The following TRAP1 variants were observed in gnomAD, a reference collection of about 807,000 sequenced individuals.
The protein encoded by TRAP1 is TNF receptor associated protein 1.
Under a neutral mutation model 89.1 loss-of-function variants are expected in TRAP1, and 102 were observed. That is an observed-to-expected ratio of 1.15 (90% CI 0.98 to 1.35). TRAP1 has a LOEUF of 1.35. Ranked by LOEUF, TRAP1 falls within the 40% of genes most tolerant of loss-of-function variation. The pLI, the probability that TRAP1 is intolerant of heterozygous loss-of-function variation, is 0.00. For missense variants in TRAP1, 1,256 were observed against 945.3 expected, an observed-to-expected ratio of 1.33 and a Z score of -4.31; for synonymous variants, 508 against 388.0, an observed-to-expected ratio of 1.31 and a Z score of -3.64.
In TRAP1 at chr16:3,663,495, T is replaced by C. The variant is rs149368223; in HGVS notation, c.1637A>G (p.Lys546Arg). 13 of 1,613,874 alleles carry C rather than the reference T, an allele frequency of 8.1e-6. No homozygotes were observed. The highest frequency in any genetic ancestry group is 2.7e-5 in the African/African-American group (2 of 74,894). The change falls in exon 14 of 18, where the codon AAG becomes AGG. Residue 546 changes from lysine (K) to arginine (R), a missense_variant. Transcript: ENST00000246957. Reference sequence around the variant, plus strand: ...TATGTCCGTCTCCACAGAGATCAGCTTCTTCTTGTCAAACTCACGAAGGTG... The same window carrying C: ...TATGTCCGTCTCCACAGAGATCAGCCTCTTCTTGTCAAACTCACGAAGGTG... ...LLHLREFDKK[K>R]LISVETDIVV...
At chr16:3,667,105 C>T (rs1012576312) in intron 11 of TRAP1, among the ~76,000 whole-genome samples, 6 of 152,022 alleles carry the variant, frequency 3.9e-5, no homozygotes, top group African/African-American at 1.2e-4. Flanking sequence ...GCCCAGGATG[C>T]GGTGCAGAGC....
In TRAP1 at chr16:3,674,428, C is replaced by A. The variant is rs1457862049; in HGVS notation, c.955G>T (p.Ala319Ser). 6.2e-7 allele frequency: 1 copy of A among 1,613,962 alleles called. No homozygotes were observed. Among genetic ancestry groups the A allele is most frequent in the African/African-American group, 1.3e-5 (1 of 74,926 alleles). Residue 319 changes from alanine to serine, a missense_variant, in exon 9 of 18, where the codon GCG becomes TCG. Coordinates refer to ENST00000246957, the MANE Select transcript of TRAP1 (RefSeq NM_016292.3). ...TAGCGGGGCTTGTCGTGAGCCTGCG[C>A]GACGTAGCGGTAGAACTCCTCATGT... ...WQHEEFYRYVAQAHDKPRYTL... is the reference protein window; with the variant it reads ...WQHEEFYRYVSQAHDKPRYTL...
At chr16:3,709,489 C>T (rs1191087998) in intron 1 of TRAP1, among the ~76,000 whole-genome samples, 7 of 152,280 alleles carry the variant, frequency 4.6e-5, no homozygotes, top group African/African-American at 1.7e-4. Context: ...CAGCAACAAC[C>T]TAAATGTCCG....
intron 14 of TRAP1, 101 bp downstream of exon 14, chr16:3,663,323 G>A: frequency 6.6e-7 from 1 of 1,509,226 alleles, no homozygotes; most frequent in Non-Finnish European, 9.0e-7. Context: ...GCTGAGCCCA[G>A]GTCAACTGAC....
chr16:3,677,552 A>C lies in TRAP1; in HGVS notation c.650T>G (p.Val217Gly). 6.2e-7 allele frequency: 1 copy of C among 1,614,028 alleles called. No individual in the cohort carries two copies. Among genetic ancestry groups the C allele is most frequent in the Non-Finnish European group, 8.5e-7 (1 of 1,180,016 alleles). Residue 217 changes from valine (V) to glycine (G), a missense_variant, in exon 6 of 18, where the codon GTC becomes GGC. Coordinates refer to ENST00000246957, the MANE Select transcript of TRAP1 (RefSeq NM_016292.3). ...CCCCGGGGCTGCCGAGCGGGAATAG[A>C]CCTCCACTCTGTCAGCCACCATGAA... is the stretch of plus-strand genomic sequence containing the variant. ...SAFMVADRVEVYSRSAAPGSL... is the reference protein window; with the variant it reads ...SAFMVADRVEGYSRSAAPGSL...
At chr16:3,694,617 C>T (rs1057034589) in intron 1 of TRAP1, among the ~76,000 whole-genome samples, 5 of 152,138 alleles carry the variant, frequency 3.3e-5, no homozygotes, top group Admixed American at 1.3e-4. Flanking sequence ...GGATTACAGA[C>T]GTGAGCCACC....
intron 1 of TRAP1, among the ~76,000 whole-genome samples, chr16:3,695,262 C>T (rs1339367412): frequency 6.6e-6 from 1 of 152,052 alleles, no homozygotes; most frequent in Non-Finnish European, 1.5e-5. Context: ...ACAGAGAATG[C>T]AAAGAAAGCG....
chr16:3,661,079 T>C (rs1261267720), intron 16 of TRAP1: 1 of 152,144 alleles, frequency 6.6e-6, no homozygotes, highest in African/African-American at 2.4e-5. Context: ...AAAAAGAAAC[T>C]TCATATACAA....
chr16:3,714,859 GA>G (rs2051576861), intron 1 of TRAP1, among the ~76,000 whole-genome samples: 1 of 152,064 alleles, frequency 6.6e-6, no homozygotes, highest in African/African-American at 2.4e-5. Context: ...CCCAAGAAAA[GA>G]AAAAAATTTC....
rs74376244 is a variant in TRAP1, at chr16:3,711,866, G to C, written c.88+5555C>G. Among the ~76,000 whole-genome samples, 1,253 of 152,254 alleles carry C rather than the reference G, an allele frequency of 8.2e-3. 10 individuals are homozygous for C. The highest frequency in any genetic ancestry group is 0.022 in the South Asian group (108 of 4,828). On this transcript the variant is annotated intron_variant, in intron 1 of 17. Transcript: ENST00000246957. ...CTTCAGTAGGACTAAGCAGGACGGT[G>C]GTAAGAAAAGTTCTAGCTGGCTACA...
chr16:3,700,271 G>A (rs1308580833), intron 1 of TRAP1, among the ~76,000 whole-genome samples: 3 of 149,966 alleles, frequency 2.0e-5, no homozygotes, highest in Admixed American at 6.7e-5. Context: ...GGGTTCAAGC[G>A]ATTCTCCTGC....
intron 3 of TRAP1, chr16:3,687,245 T>G (rs995807453): frequency 6.6e-6 from 1 of 151,664 alleles, no homozygotes; most frequent in African/African-American, 2.4e-5. Flanking sequence ...TCTGCTTTTG[T>G]GTCTTGCTCA....
chr16:3,679,968 GC>G (rs2051053432), intron 4 of TRAP1, 178 bp from the exon 5 acceptor site: 1 of 620,832 alleles, frequency 1.6e-6, no homozygotes, highest in Non-Finnish European at 2.9e-6. Context: ...GATGGTTCAT[GC>G]CTGTAATCCC....
chr16:3,714,894 G>C (rs749715282), intron 1 of TRAP1, among the ~76,000 whole-genome samples: 2 of 152,146 alleles, frequency 1.3e-5, no homozygotes, highest in Non-Finnish European at 2.9e-5. Flanking sequence ...TTTCTACATA[G>C]GTGGATCTGC....
intron 5 of TRAP1, chr16:3,678,205 T>G (rs1023535966): frequency 6.6e-6 from 1 of 152,642 alleles, no homozygotes; most frequent in African/African-American, 2.4e-5. Context: ...CTGGCCCACG[T>G]TGTCCGATGG....
chr16:3,675,154 G>A (rs1372956432), intron 8 of TRAP1, among the ~76,000 whole-genome samples, 170 bp downstream of exon 8: 2 of 152,140 alleles, frequency 1.3e-5, no homozygotes, highest in African/African-American at 4.8e-5. Flanking sequence ...GGGCAGGGCT[G>A]TGGTAGAGCT....
At chr16:3,671,848 A>G (rs1448020614) in intron 10 of TRAP1, 57 bp from the exon 11 acceptor site, 3 of 1,558,350 alleles carry the variant, frequency 1.9e-6, no homozygotes, top group Non-Finnish European at 2.6e-6. Flanking sequence ...ACCACCCAAC[A>G]TTCCCCATTA....
intron 1 of TRAP1, among the ~76,000 whole-genome samples, chr16:3,717,014 T>C (rs2051606312): frequency 6.6e-6 from 1 of 152,164 alleles, no homozygotes; most frequent in Non-Finnish European, 1.5e-5. Flanking sequence ...GCACGATCCA[T>C]GGAACTAGCA....
chr16:3,664,184 TG>T (rs758045960), intron 13 of TRAP1, 89 bp downstream of exon 13: 1 of 1,360,318 alleles, frequency 7.4e-7, no homozygotes, highest in South Asian at 1.6e-5. Flanking sequence ...CCCGGAGTCT[TG>T]GGCAGGTTCA....
Sources: gnomAD v4.1 joint callset for allele counts (sites outside exome capture counted in the v4.1 genomes callset) on GRCh38, gnomAD v4.1.1 for gene constraint, MANE v1.5 for transcripts, NCBI Gene and HGNC (gene_info 2026-07-23, HGNC 2026-07-21) for gene names.